Variants in FNIP2 observed in about 807,000 individuals in gnomAD.
FNIP2 encodes the protein folliculin interacting protein 2, also known as folliculin-interacting protein 2.
In FNIP2, 32 loss-of-function variants were observed where a neutral mutation model predicts 108.7. That is an observed-to-expected ratio of 0.29 (90% CI 0.22 to 0.40). FNIP2 has a LOEUF of 0.40. FNIP2 is among the 10% of genes least tolerant of loss of function. The pLI, the probability that FNIP2 is intolerant of heterozygous loss-of-function variation, is 1.00. For missense variants in FNIP2, 1,202 were observed against 1,381.6 expected (o/e 0.87, Z 2.06); for synonymous variants, 480 against 496.7 (o/e 0.97, Z 0.45).
In FNIP2 at chr4:158,898,134, G is replaced by A. The variant is rs545032871; in HGVS notation, c.3266+2269G>A. 2.0e-5 allele frequency among the ~76,000 whole-genome samples: 3 copies of A among 152,298 alleles called. No homozygotes were observed. The South Asian group carries it at 6.2e-4, about 32-fold the overall frequency. ...GCTTGTTTTTGTCAGGTTTGTCAAA[G>A]ATCAGATGGTTGTAGATGTGTGGTG... On this transcript the variant is annotated intron_variant, in intron 16 of 16. Transcript: ENST00000264433.
At chr4:158,843,128 G>A (rs1443142369) in intron 7 of FNIP2, among the ~76,000 whole-genome samples, 1 of 152,112 alleles carries the variant, frequency 6.6e-6, no homozygotes, top group African/African-American at 2.4e-5. Context: ...TCATTATTGT[G>A]TTGTGGATGT....
At chr4:158,890,081 A>G in intron 14 of FNIP2, 1 of 985,426 alleles carries the variant, frequency 1.0e-6, no homozygotes, top group Non-Finnish European at 1.2e-6. Context: ...CAATTCTACA[A>G]AATGAGAACT....
intron 1 of FNIP2, among the ~76,000 whole-genome samples, chr4:158,803,970 G>A (rs745578885): frequency 6.6e-6 from 1 of 152,082 alleles, no homozygotes; most frequent in Non-Finnish European, 1.5e-5. Flanking sequence ...GTGGAGTCTC[G>A]CTGTGTTGCT....
intron 1 of FNIP2, among the ~76,000 whole-genome samples, chr4:158,784,650 G>A (rs1776156716): frequency 6.6e-6 from 1 of 152,182 alleles, no homozygotes; most frequent in African/African-American, 2.4e-5. Context: ...GGAGTGTGCA[G>A]CCTAGCTCCC....
At chr4:158,831,767 C>A in intron 3 of FNIP2, 94 bp from the exon 4 acceptor site, 2 of 786,032 alleles carry the variant, frequency 2.5e-6, no homozygotes, top group Non-Finnish European at 2.1e-6. Context: ...GTTTTAATCA[C>A]CGATGACACT....
chr4:158,769,237 C>G lies in FNIP2; in HGVS notation c.25C>G (p.Leu9Val), dbSNP rs1318134980. Residue 9 changes from leucine (L) to valine (V), a missense_variant, in exon 1 of 17, where the codon CTC becomes GTC. Coordinates refer to ENST00000264433, the MANE Select transcript of FNIP2 (RefSeq NM_020840.3). ...CATGGCCCCGACCCTGCTCCAGAAG[C>G]TCTTCAACAAAAGGGGCAGCAGCGG... is the stretch of plus-strand genomic sequence containing the variant. MAPTLLQK[L>V]FNKRGSSGSS... 1.1e-5 allele frequency: 17 copies of G among 1,527,496 alleles called. No individual in the cohort carries two copies. The highest frequency in any genetic ancestry group is 1.8e-6 in the Non-Finnish European group (2 of 1,141,378). 94.6% of individuals were successfully genotyped at this position (1,527,496 alleles called of 1,614,324 possible). A position where few individuals can be genotyped will look rare whatever the true frequency, so the allele number is the denominator to read the frequency against.
chr4:158,806,500 A>G (rs1776966684), intron 1 of FNIP2: 6 of 1,039,846 alleles, frequency 5.8e-6, no homozygotes, highest in Non-Finnish European at 7.7e-6. Flanking sequence ...ATGGAATTGT[A>G]TTGATCTGAA....
chr4:158,838,659 A>G (rs1330128392), intron 7 of FNIP2, among the ~76,000 whole-genome samples: 1 of 152,230 alleles, frequency 6.6e-6, no homozygotes, highest in Non-Finnish European at 1.5e-5. Context: ...ACCTGCCCTC[A>G]GTTTACCCTA....
chr4:158,841,969 C>A (rs896899094), intron 7 of FNIP2, among the ~76,000 whole-genome samples: 2 of 152,236 alleles, frequency 1.3e-5, no homozygotes, highest in African/African-American at 4.8e-5. Context: ...AATAAACTAT[C>A]CAAATCTAAA....
At chr4:158,796,199 C>A (rs1776586120) in intron 1 of FNIP2, among the ~76,000 whole-genome samples, 1 of 151,964 alleles carries the variant, frequency 6.6e-6, no homozygotes, top group African/African-American at 2.4e-5. Flanking sequence ...AGCAAATGGC[C>A]CTTGGTTTGG....
At chr4:158,888,641 C>T (rs1351427713) in intron 14 of FNIP2, among the ~76,000 whole-genome samples, 1 of 152,186 alleles carries the variant, frequency 6.6e-6, no homozygotes, top group Non-Finnish European at 1.5e-5. Context: ...ATAATCCCAA[C>T]ATTTTCAGAG....
In FNIP2 at chr4:158,835,484, T is replaced by C; in HGVS notation, c.727+8T>C. ...GTGGCATTGCTCGATCAGGTACTTG[T>C]ACTCTGTTTATTGGTTTAACTAACA... On this transcript the variant is annotated splice_region_variant and intron_variant, in intron 7 of 16. Transcript: ENST00000264433. The C allele has an allele frequency of 6.2e-7, 1 of 1,610,542 alleles. No individual in the cohort carries two copies. Among genetic ancestry groups the C allele is most frequent in the East Asian group, 2.2e-5 (1 of 44,698 alleles).
At chr4:158,893,646 T>G (rs932609974) in intron 15 of FNIP2, 23 of 1,484,160 alleles carry the variant, frequency 1.5e-5, no homozygotes, top group Non-Finnish European at 2.1e-5. Context: ...TTTTTTGTTA[T>G]ACAGTAGTAG....
At position 158,829,126 on chromosome 4, in the gene FNIP2, AAGCAGCAGTGTC is replaced by A. The variant is rs748009456; in HGVS notation, c.292_303del (p.Val98_Ser101del). 5 of 1,612,212 alleles carry A rather than the reference AAGCAGCAGTGTC, an allele frequency of 3.1e-6. No homozygotes were observed. The highest frequency in any genetic ancestry group is 1.1e-5 in the South Asian group (1 of 90,644). ...AAATATCAGCCAAGTGCTGCCAGGG[AAGCAGCAGTGTC>A]AGCAGCAGTAGCAGCAGCAGCATCT... On this transcript the variant is annotated inframe_deletion, in exon 3 of 17. Transcript: ENST00000264433.
rs1016945598 is a variant in FNIP2, at chr4:158,905,712, A to C, written c.*1168A>C. 4.6e-5 allele frequency: 6 copies of C among 131,806 alleles called. No homozygotes were observed. The highest frequency in any genetic ancestry group is 2.4e-4 in the South Asian group (1 of 4,242). The allele number at this position is 131,806 out of a possible 1,614,324, so 8.2% of individuals were successfully genotyped here. Reference sequence around the variant, plus strand: ...GTTCATGCAAAAAAAAAAAAAAAACAACCTAATTTTCTGTTAATATAAAAG... The same window carrying C: ...GTTCATGCAAAAAAAAAAAAAAAACCACCTAATTTTCTGTTAATATAAAAG... On this transcript the variant is annotated 3_prime_UTR_variant, in exon 17 of 17. Transcript: ENST00000264433.
intron 14 of FNIP2, among the ~76,000 whole-genome samples, chr4:158,870,828 G>A (rs558380355): frequency 2.6e-5 from 4 of 152,360 alleles, no homozygotes; most frequent in Admixed American, 6.5e-5. Flanking sequence ...GGCTGAGCCC[G>A]GCTGAAAGCC....
chr4:158,856,928 C>A (rs1379907954), intron 8 of FNIP2, among the ~76,000 whole-genome samples: 2 of 152,162 alleles, frequency 1.3e-5, no homozygotes, highest in African/African-American at 4.8e-5. Flanking sequence ...CTGATTTATT[C>A]CACGTTGCAT....
At chr4:158,865,922 T>G (rs1269300570) in intron 12 of FNIP2, among the ~76,000 whole-genome samples, 1 of 152,098 alleles carries the variant, frequency 6.6e-6, no homozygotes, top group African/African-American at 2.4e-5. Flanking sequence ...TATTTATGTC[T>G]TGCCATTTGA....
intron 14 of FNIP2, among the ~76,000 whole-genome samples, chr4:158,883,450 C>T (rs1430244471): frequency 1.3e-5 from 2 of 152,100 alleles, no homozygotes; most frequent in Non-Finnish European, 2.9e-5. Context: ...ACCGTGTTAG[C>T]CAGGATGGTC....
Sources: gnomAD v4.1 joint callset for allele counts (sites outside exome capture counted in the v4.1 genomes callset) on GRCh38, gnomAD v4.1.1 for gene constraint, MANE v1.5 for transcripts, NCBI Gene and HGNC (gene_info 2026-07-23, HGNC 2026-07-21) for gene names.